ADAMTS6: variants seen among roughly 807,000 people sequenced by gnomAD.
ADAMTS6 encodes A disintegrin and metalloproteinase with thrombospondin motifs 6.
ADAMTS6 carries 23 observed loss-of-function variants against 144.3 expected under a neutral mutation model. That is an observed-to-expected ratio of 0.16 (90% CI 0.11 to 0.23). The LOEUF (loss-of-function observed/expected upper bound fraction) is 0.23, where lower values mean the gene tolerates loss of function less well. Among genes scored for constraint, ADAMTS6 ranks in the 10% least tolerant of loss-of-function variants. The pLI is 1.00. For synonymous variants in ADAMTS6, 444 were observed against 457.5 expected (o/e 0.97, Z 0.38); for missense variants, 999 against 1,379.6 (o/e 0.72, Z 4.37).
At chr5:65,199,909 T>G (rs16893504) in intron 20 of ADAMTS6, among the ~76,000 whole-genome samples, 26,114 of 152,084 alleles carry the variant, frequency 0.17, 2,448 homozygotes, top group African/African-American at 0.24. Flanking sequence ...AGTACTTAGG[T>G]GTTCATTTTA....
intron 7 of ADAMTS6, 142 bp from the exon 8 acceptor site, chr5:65,334,227 G>A (rs1747086073): frequency 2.2e-6 from 2 of 903,604 alleles, no homozygotes; most frequent in Admixed American, 3.5e-5. Flanking sequence ...GGCATTTTCA[G>A]CACTCTACAG....
rs1427674784 is a variant in ADAMTS6, at chr5:65,242,083, CTCTG to C, written c.1933+17_1933+20del. 1 of 1,502,758 alleles carries C rather than the reference CTCTG, an allele frequency of 6.7e-7. No homozygotes were observed. The highest frequency in any genetic ancestry group is 1.9e-5 in the Admixed American group (1 of 51,842). 93.1% of individuals were successfully genotyped at this position (1,502,758 alleles called of 1,614,324 possible). ...TTTGCAAAGTGCTCAAGCATGAATG[CTCTG>C]TCAGGTTATACATTACCTCCAGTAT... On this transcript the variant is annotated intron_variant, in intron 15 of 24. Coordinates refer to ENST00000381055, the MANE Select transcript of ADAMTS6 (RefSeq NM_197941.4).
intron 15 of ADAMTS6, among the ~76,000 whole-genome samples, chr5:65,232,062 G>C (rs1434068899): frequency 6.6e-6 from 1 of 152,146 alleles, no homozygotes; most frequent in African/African-American, 2.4e-5. Context: ...AGTCAGCCAA[G>C]ATTGCACCAC....
intron 14 of ADAMTS6, among the ~76,000 whole-genome samples, chr5:65,244,299 T>C (rs779047312): frequency 5.3e-5 from 8 of 152,076 alleles, no homozygotes; most frequent in Non-Finnish European, 4.4e-5. Context: ...GAGGAAATGA[T>C]ATTTCACATG....
intron 14 of ADAMTS6, among the ~76,000 whole-genome samples, chr5:65,243,821 CA>C (rs537009877): frequency 2.0e-5 from 3 of 151,420 alleles, no homozygotes; most frequent in Non-Finnish European, 4.4e-5. Flanking sequence ...CAAAAACAAA[CA>C]AAAAAAACAA....
At chr5:65,481,257 C>G (rs1219209029) in intron 1 of ADAMTS6, 86 bp downstream of exon 1, 1 of 144,036 alleles carries the variant, frequency 6.9e-6, no homozygotes, top group Non-Finnish European at 1.5e-5. Context: ...AAAAAGTTTT[C>G]TAAGCGTTAT....
At chr5:65,236,381 G>A (rs953367098) in intron 15 of ADAMTS6, among the ~76,000 whole-genome samples, 3 of 151,926 alleles carry the variant, frequency 2.0e-5, no homozygotes, top group Non-Finnish European at 2.9e-5. Context: ...TCCACTTCTC[G>A]AGCTCAAGTG....
chr5:65,361,295 T>C (rs929495513), intron 7 of ADAMTS6, among the ~76,000 whole-genome samples: 1 of 152,196 alleles, frequency 6.6e-6, no homozygotes, highest in African/African-American at 2.4e-5. Context: ...AATTCCACTT[T>C]ATAAGATGTA....
Position 65,436,471 on chromosome 5 carries a change from C to T in ADAMTS6, c.1073+15004G>A, listed in dbSNP as rs182554552. Among the ~76,000 whole-genome samples the T allele has an allele frequency of 1.8e-4, 28 of 152,264 alleles. No homozygotes were observed. In the East Asian group the frequency reaches 5.0e-3, roughly 27 times the overall value. ...AAAGAACCTTGAAAATTAGTCACTG[C>T]TCCCACCTCAAAGCCAGGCTTCATT... is the stretch of plus-strand genomic sequence containing the variant. On this transcript the variant is annotated intron_variant, in intron 7 of 24. Coordinates refer to ENST00000381055, the MANE Select transcript of ADAMTS6 (RefSeq NM_197941.4).
At chr5:65,374,879 C>T (rs1751360041) in intron 7 of ADAMTS6, among the ~76,000 whole-genome samples, 1 of 152,164 alleles carries the variant, frequency 6.6e-6, no homozygotes, top group Admixed American at 6.5e-5. Context: ...GCTACAGTAA[C>T]CAACACAGCA....
chr5:65,305,692 A>G (rs1003364896), intron 9 of ADAMTS6, among the ~76,000 whole-genome samples: 15 of 152,200 alleles, frequency 9.9e-5, no homozygotes, highest in African/African-American at 3.4e-4. Flanking sequence ...GATTACCTTG[A>G]GTTAATGATT....
chr5:65,279,542 C>T (rs1762828762), intron 11 of ADAMTS6, among the ~76,000 whole-genome samples: 1 of 152,058 alleles, frequency 6.6e-6, no homozygotes. Flanking sequence ...TTCTTGAGCT[C>T]CTGACCTCAA....
chr5:65,363,981 CAG>C (rs1468303563), intron 7 of ADAMTS6, among the ~76,000 whole-genome samples: 1 of 152,182 alleles, frequency 6.6e-6, no homozygotes, highest in Non-Finnish European at 1.5e-5. Flanking sequence ...TTAAAATTCT[CAG>C]AGCCAACTGA....
intron 7 of ADAMTS6, among the ~76,000 whole-genome samples, chr5:65,386,478 G>A (rs542455656): frequency 4.6e-5 from 7 of 152,240 alleles, no homozygotes; most frequent in East Asian, 3.9e-4. Context: ...GTTTAACACC[G>A]TTGATTTACA....
At chr5:65,404,107 A>T (rs1266232660) in intron 7 of ADAMTS6, among the ~76,000 whole-genome samples, 1 of 152,182 alleles carries the variant, frequency 6.6e-6, no homozygotes, top group East Asian at 1.9e-4. Context: ...TTAGTATTGT[A>T]TATCATTAAT....
chr5:65,465,133 T>C (rs930718293), intron 3 of ADAMTS6, among the ~76,000 whole-genome samples: 2 of 152,218 alleles, frequency 1.3e-5, no homozygotes, highest in African/African-American at 4.8e-5. Context: ...ACTGTAACTG[T>C]AATGCTTCAC....
intron 14 of ADAMTS6, among the ~76,000 whole-genome samples, chr5:65,258,582 T>C (rs1760896605): frequency 1.3e-5 from 2 of 152,160 alleles, no homozygotes; most frequent in Admixed American, 1.3e-4. Context: ...TAAAAGGCTA[T>C]TAGAGTAATC....
In ADAMTS6 at chr5:65,398,781, C is replaced by CGAGAAAGA. The variant is rs1156386169; in HGVS notation, c.1073+52693_1073+52694insTCTTTCTC. Among the ~76,000 whole-genome samples, 64 of 106,992 alleles carry CGAGAAAGA rather than the reference C, an allele frequency of 6.0e-4. 3 individuals are homozygous for CGAGAAAGA. Among genetic ancestry groups the CGAGAAAGA allele is most frequent in the Non-Finnish European group, 7.0e-4 (36 of 51,364 alleles). The allele number at this position is 106,992 out of a possible 152,430, so 70.2% of individuals were successfully genotyped here. ...AGAGAGAGAGAGAAAGAAGAGAGAGCAAGAAAGAAAGAAAGAAAGAAAGAA... is the reference window on the plus strand; with the variant it reads ...AGAGAGAGAGAGAAAGAAGAGAGAGCGAGAAAGAAAGAAAGAAAGAAAGAAAGAAAGAA... On this transcript the variant is annotated intron_variant, in intron 7 of 24. Transcript: ENST00000381055.
chr5:65,378,298 T>C (rs1430370313), intron 7 of ADAMTS6, among the ~76,000 whole-genome samples: 1 of 152,182 alleles, frequency 6.6e-6, no homozygotes, highest in Non-Finnish European at 1.5e-5. Context: ...CTCCCATACC[T>C]CTTGGAATAA....
Sources: allele counts gnomAD v4.1 joint callset (sites outside exome capture counted in the v4.1 genomes callset), GRCh38; gene constraint gnomAD v4.1.1; transcripts MANE v1.5; gene names NCBI Gene and HGNC (gene_info 2026-07-23, HGNC 2026-07-21).